Variants in MTA1 observed in about 807,000 individuals in gnomAD.
MTA1 encodes metastasis associated 1.
In MTA1, 15 loss-of-function variants were observed where a neutral mutation model predicts 97.0. That is an observed-to-expected ratio of 0.15 (90% CI 0.10 to 0.24). MTA1 has a LOEUF of 0.24. Among genes scored for constraint, MTA1 ranks in the 10% least tolerant of loss-of-function variants. The pLI is 1.00. For synonymous variants in MTA1, 435 were observed against 417.5 expected (o/e 1.04, Z -0.51); for missense variants, 709 against 1,015.1 (o/e 0.70, Z 4.10).
At position 105,424,536 on chromosome 14, in the gene MTA1, C is replaced by G. The variant is rs587652447; in HGVS notation, c.28+4473C>G. On this transcript the variant is annotated intron_variant, in intron 1 of 20. Transcript: ENST00000331320. This position sits in a 1 kb window ranked among gnomAD's most constrained non-coding sequence, Gnocchi z 4.0. ...TTTTTGAGACAGTCTCACTCTGTCA[C>G]CCAGGCTGGAGTGCAGTGGCACAAT... Among the ~76,000 whole-genome samples the G allele has an allele frequency of 6.6e-6, 1 of 151,264 alleles. No individual in the cohort carries two copies. The highest frequency in any genetic ancestry group is 2.1e-4 in the South Asian group (1 of 4,788).
At position 105,466,522 on chromosome 14, in the gene MTA1, A is replaced by G. The variant is rs781827390; in HGVS notation, c.1721A>G (p.Asn574Ser). 2 of 1,588,484 alleles carry G rather than the reference A, an allele frequency of 1.3e-6. No individual in the cohort carries two copies. Among genetic ancestry groups the G allele is most frequent in the East Asian group, 4.6e-5 (2 of 43,454 alleles). The change falls in exon 17 of 21, where the codon AAC becomes AGC. Residue 574 changes from asparagine (N) to serine (S), a missense_variant. This residue lies in a region of MTA1 where 388 missense variants were observed against 421.6 expected (regional missense o/e 0.92). Coordinates refer to ENST00000331320, the MANE Select transcript of MTA1 (RefSeq NM_004689.4). The part of the protein sequence containing the change: ...TPAKVAPVIN[N>S]GSPTILGKRS... ...GCCAAGGTGGCCCCCGTCATCAACA[A>G]CGGCTCCCCCACCATCCTGGGCAAG...
At chr14:105,452,781 G>A (rs2082993669) in intron 6 of MTA1, among the ~76,000 whole-genome samples, 1 of 152,254 alleles carries the variant, frequency 6.6e-6, no homozygotes. Flanking sequence ...AGGCCCTGAA[G>A]CATGGCTCGT....
chr14:105,435,571 A>G (rs1449140220), intron 1 of MTA1, among the ~76,000 whole-genome samples: 2 of 152,196 alleles, frequency 1.3e-5, no homozygotes, highest in African/African-American at 2.4e-5. Context: ...TATCAGGGCA[A>G]TGGCGTTCTC....
chr14:105,441,650 C>G (rs371515762), intron 2 of MTA1, among the ~76,000 whole-genome samples: 75 of 152,224 alleles, frequency 4.9e-4, no homozygotes, highest in African/African-American at 1.7e-3. Flanking sequence ...AAAAATTAGC[C>G]GGGCGTGGTG....
intron 2 of MTA1, among the ~76,000 whole-genome samples, chr14:105,445,110 C>T (rs751171354): frequency 2.2e-4 from 34 of 152,094 alleles, no homozygotes; most frequent in Non-Finnish European, 4.7e-4. Context: ...CCCAGTGTGG[C>T]GGGGGCCTTT....
In MTA1 at chr14:105,464,770, A is replaced by T; in HGVS notation, c.1441A>T (p.Ile481Phe). ...TCTGCACACGACGAAGCTGACGCGG[A>T]TCGCCCGGCGCCTGTGCCGTGAGAT... ...FYLHTTKLTR[I>F]ARRLCREILR... Residue 481 changes from isoleucine (I) to phenylalanine (F), a missense_variant, in exon 15 of 21, where the codon ATC becomes TTC. Physicochemically the swap from Ile to Phe is conservative, Grantham distance 21. Around this residue, in one of 2 missense-constraint regions of MTA1, gnomAD observed 388 missense variants for 421.6 expected, o/e 0.92. Transcript: ENST00000331320. 1 of 1,609,612 alleles carries T rather than the reference A, an allele frequency of 6.2e-7. No individual in the cohort carries two copies. The highest frequency in any genetic ancestry group is 8.5e-7 in the Non-Finnish European group (1 of 1,177,524).
rs1289360100 is a variant in MTA1 at position 105,420,616 on chromosome 14, G to A, written c.28+553G>A. The stretch of plus-strand genomic sequence containing the variant: ...TCAGGGGGTCTTCAGCAGGGAGCGA[G>A]CATCCCGAGCACGCCTCTAAGTCCC... On this transcript the variant is annotated intron_variant, in intron 1 of 20. Transcript: ENST00000331320. This position sits in a 1 kb window ranked among gnomAD's most constrained non-coding sequence, Gnocchi z 5.3. Among the ~76,000 whole-genome samples, 1 of 152,192 alleles carries A rather than the reference G, an allele frequency of 6.6e-6. No homozygotes were observed. Among genetic ancestry groups the A allele is most frequent in the Non-Finnish European group, 1.5e-5 (1 of 68,012 alleles).
At chr14:105,441,810 A>T (rs1362309357) in intron 2 of MTA1, among the ~76,000 whole-genome samples, 1 of 152,152 alleles carries the variant, frequency 6.6e-6, no homozygotes, top group African/African-American at 2.4e-5. Flanking sequence ...ATAAAAAAGT[A>T]AAAAAGGAAC....
At chr14:105,432,333 T>G (rs1287469693) in intron 1 of MTA1, among the ~76,000 whole-genome samples, 1 of 152,136 alleles carries the variant, frequency 6.6e-6, no homozygotes, top group African/African-American at 2.4e-5. Flanking sequence ...CTCTGCCTCC[T>G]GGGTTCAAGC....
intron 1 of MTA1, among the ~76,000 whole-genome samples, chr14:105,425,458 T>C (rs1156457177): frequency 6.6e-6 from 1 of 152,106 alleles, no homozygotes; most frequent in Non-Finnish European, 1.5e-5. Flanking sequence ...AGATTTTTTA[T>C]AGAGGCGGAG....
chr14:105,445,672 G>A (rs1555426964), intron 3 of MTA1, 161 bp downstream of exon 3: 3 of 784,982 alleles, frequency 3.8e-6, no homozygotes, highest in Admixed American at 2.0e-5. Context: ...CACAGTGGGC[G>A]GGGGTGTCCT....
At position 105,450,311 on chromosome 14, in the gene MTA1, A is replaced by G. The variant is rs1555428307; in HGVS notation, c.419A>G (p.Tyr140Cys). 6.2e-7 allele frequency: 1 copy of G among 1,604,078 alleles called. No homozygotes were observed. The highest frequency in any genetic ancestry group is 8.5e-7 in the Non-Finnish European group (1 of 1,172,850). ...AACGAGACCGAGTCGCTCAAGTCCTACCTGGAGCGGGAGGTGAGGCCCAGC... is the reference window on the plus strand; with the variant it reads ...AACGAGACCGAGTCGCTCAAGTCCTGCCTGGAGCGGGAGGTGAGGCCCAGC... ...LLNETESLKSYLEREDFFFYS... is the reference protein window; with the variant it reads ...LLNETESLKSCLEREDFFFYS... The change falls in exon 6 of 21, where the codon TAC becomes TGC. Residue 140 changes from tyrosine (Y) to cysteine (C), a missense_variant. By Grantham distance (194) the Tyr-to-Cys change is radical. This residue lies in a region of MTA1 where 321 missense variants were observed against 593.5 expected (regional missense o/e 0.54). Coordinates refer to ENST00000331320, the MANE Select transcript of MTA1 (RefSeq NM_004689.4).
At chr14:105,429,302 T>G (rs2082102977) in intron 1 of MTA1, among the ~76,000 whole-genome samples, 1 of 152,158 alleles carries the variant, frequency 6.6e-6, no homozygotes. Flanking sequence ...TTTTGTTTTT[T>G]GGAGATGAAG....
chr14:105,438,266 T>C (rs2082392460), intron 1 of MTA1, among the ~76,000 whole-genome samples: 2 of 152,002 alleles, frequency 1.3e-5, no homozygotes, highest in African/African-American at 2.4e-5. Context: ...CTGCTGCCAG[T>C]GGGAAGGTGT....
intron 7 of MTA1, chr14:105,454,581 C>T: frequency 3.1e-6 from 1 of 324,912 alleles, no homozygotes; most frequent in Non-Finnish European, 5.9e-6. Flanking sequence ...TGCACAGTGA[C>T]ACCTGGTTTC....
At position 105,454,119 on chromosome 14, in the gene MTA1, G is replaced by A. The variant is rs587756879; in HGVS notation, c.433-74G>A. On this transcript the variant is annotated intron_variant, in intron 6 of 20. Coordinates refer to ENST00000331320, the MANE Select transcript of MTA1 (RefSeq NM_004689.4). ...GCAAGACCCTCCCAGCAGCCCGGCC[G>A]TGCTGACGCCTCTCTGACCCTCCCA... is the stretch of plus-strand genomic sequence containing the variant. The A allele has an allele frequency of 2.3e-4, 262 of 1,151,058 alleles. 3 individuals carry two copies. Among genetic ancestry groups the A allele is most frequent in the South Asian group, 1.1e-3 (86 of 80,402 alleles). 71.3% of individuals were successfully genotyped at this position (1,151,058 alleles called of 1,614,324 possible). A position where few individuals can be genotyped will look rare whatever the true frequency, so the allele number is the denominator to read the frequency against.
chr14:105,463,998 G>A lies in MTA1; in HGVS notation c.1077-34G>A. On this transcript the variant is annotated intron_variant, in intron 12 of 20. Coordinates refer to ENST00000331320, the MANE Select transcript of MTA1 (RefSeq NM_004689.4). The surrounding 1 kb of genome is among the most constrained non-coding windows in gnomAD (Gnocchi z 5.9). ...ATGGGCCCTCGAGGTTTGTGCTCCT[G>A]CAACTCCTCTCGTCTCTCCTTTCCC... 1 of 1,607,016 alleles carries A rather than the reference G, an allele frequency of 6.2e-7. No homozygotes were observed. Among genetic ancestry groups the A allele is most frequent in the Non-Finnish European group, 8.5e-7 (1 of 1,175,140 alleles).
chr14:105,446,769 T>A (rs2082731583), intron 3 of MTA1, among the ~76,000 whole-genome samples: 1 of 152,218 alleles, frequency 6.6e-6, no homozygotes, highest in Non-Finnish European at 1.5e-5. Context: ...TCAGTGCAGC[T>A]GGGCCGGGCC....
chr14:105,453,733 C>T (rs1007588344), intron 6 of MTA1, among the ~76,000 whole-genome samples: 1 of 152,176 alleles, frequency 6.6e-6, no homozygotes, highest in African/African-American at 2.4e-5. Context: ...ATTGCTTGAA[C>T]CCGGGAAACG....
Sources: gnomAD v4.1 joint callset for allele counts (sites outside exome capture counted in the v4.1 genomes callset) on GRCh38, gnomAD v4.1.1 for gene constraint, gnomAD v4.1.1 regional missense constraint, Gnocchi (gnomAD v3.1) non-coding constraint, MANE v1.5 for transcripts, NCBI Gene and HGNC (gene_info 2026-07-23, HGNC 2026-07-21) for gene names.